Variants in SPP2 observed in about 807,000 individuals in gnomAD.
SPP2 encodes the protein secreted phosphoprotein 24.
A neutral mutation model predicts 28.8 loss-of-function variants in SPP2; 34 were observed. That is an observed-to-expected ratio of 1.18 (90% confidence interval 0.90 to 1.57). The LOEUF (loss-of-function observed/expected upper bound fraction) is 1.57, where lower values mean the gene tolerates loss of function less well. Ranked by LOEUF, SPP2 falls within the 40% of genes most tolerant of loss-of-function variation. The pLI is 0.00. For missense variants in SPP2, 269 were observed against 263.9 expected (o/e 1.02, Z -0.13); for synonymous variants, 96 against 89.4 (o/e 1.07, Z -0.42).
chr2:234,069,952 C>T lies in SPP2; in HGVS notation c.575C>T (p.Pro192Leu), dbSNP rs915089963. Residue 192 changes from proline (P) to leucine (L), a missense_variant, in exon 7 of 8, where the codon CCT becomes CTT. Physicochemically the swap from Pro to Leu is moderately conservative, Grantham distance 98. Transcript: ENST00000168148. Reference protein sequence around the residue: ...SLGIMRRVLPPGNRRYPNHRH... With the variant: ...SLGIMRRVLPLGNRRYPNHRH... ...GGGATCATGAGAAGGGTATTGCCTC[C>T]TGGAAACAGAAGGTACCCAAACCAC... is the stretch of plus-strand genomic sequence containing the variant. 8.1e-6 allele frequency: 13 copies of T among 1,613,316 alleles called. No homozygotes were observed. Among genetic ancestry groups the T allele is most frequent in the South Asian group, 1.1e-5 (1 of 91,064 alleles).
At chr2:234,060,631 C>A in intron 4 of SPP2, 152 bp downstream of exon 4, 1 of 641,456 alleles carries the variant, frequency 1.6e-6, no homozygotes, top group South Asian at 1.8e-5. Flanking sequence ...TCTTGGACAC[C>A]TACAGCCTCA....
Position 234,058,856 on chromosome 2 carries a change from C to T in SPP2, c.231C>T (p.Asn77=). ...TGAAGGTTGAGGTCCTAGATGAGAA[C>T]AACTTGGTCATGAATTTAGAGTTCA... ...SLKRVEVLDE[N]NLVMNLEFSI... The change falls in exon 3 of 8, where the codon AAC becomes AAT. Residue 77 remains asparagine, a synonymous_variant. Coordinates refer to ENST00000168148, the MANE Select transcript of SPP2 (RefSeq NM_006944.3). The T allele has an allele frequency of 6.2e-7, 1 of 1,613,904 alleles. No individual in the cohort carries two copies.
chr2:234,060,870 G>A (rs1693708266), intron 4 of SPP2, among the ~76,000 whole-genome samples: 1 of 152,106 alleles, frequency 6.6e-6, no homozygotes, highest in Admixed American at 6.6e-5. Context: ...TAAGTATGTG[G>A]CTCGCTGGCA....
chr2:234,067,777 CAAAAAAAAAAAAA>C (rs56184185), intron 6 of SPP2, among the ~76,000 whole-genome samples: 2 of 63,492 alleles, frequency 3.1e-5, no homozygotes, highest in East Asian at 1.0e-3. Flanking sequence ...GACTCCGTCT[CAAAAAAAAAAAAA>C]AAAAAAAAAA....
At chr2:234,057,011 T>A (rs1006910415) in intron 2 of SPP2, among the ~76,000 whole-genome samples, 33 of 152,078 alleles carry the variant, frequency 2.2e-4, no homozygotes, top group African/African-American at 7.7e-4. Context: ...CCCTGGGCAG[T>A]ACGTTCAATG....
At chr2:234,063,465 T>C (rs1414710719) in intron 4 of SPP2, among the ~76,000 whole-genome samples, 1 of 152,156 alleles carries the variant, frequency 6.6e-6, no homozygotes, top group East Asian at 1.9e-4. Context: ...TATAAAATAT[T>C]TGGACTTTCC....
chr2:234,054,508 T>C (rs1170532538), intron 2 of SPP2, among the ~76,000 whole-genome samples: 1 of 152,160 alleles, frequency 6.6e-6, no homozygotes, highest in Non-Finnish European at 1.5e-5. Flanking sequence ...GGTGCCAGCA[T>C]GGTCTGGTTC....
intron 2 of SPP2, among the ~76,000 whole-genome samples, chr2:234,056,602 G>T (rs1336673919): frequency 6.6e-6 from 1 of 152,156 alleles, no homozygotes; most frequent in African/African-American, 2.4e-5. Context: ...CTAAGCTTTT[G>T]TGTTGCCAGT....
chr2:234,056,655 C>G (rs1276364213), intron 2 of SPP2, among the ~76,000 whole-genome samples: 1 of 152,038 alleles, frequency 6.6e-6, no homozygotes, highest in African/African-American at 2.4e-5. Context: ...TGAAGCTCAC[C>G]CTGCAGTGGA....
intron 2 of SPP2, among the ~76,000 whole-genome samples, chr2:234,056,477 T>C (rs28903992): frequency 0.014 from 2,106 of 152,298 alleles, 63 homozygotes; most frequent in African/African-American, 0.048. Flanking sequence ...AAATGTTAGA[T>C]GTTTCTCCCT....
intron 4 of SPP2, among the ~76,000 whole-genome samples, chr2:234,064,263 C>G (rs1417066130): frequency 7.1e-6 from 1 of 141,152 alleles, no homozygotes; most frequent in East Asian, 2.1e-4. Context: ...CTCTCTCTCT[C>G]TGTCACTGTG....
chr2:234,051,202 G>A, intron 2 of SPP2, 107 bp downstream of exon 2: 3 of 1,394,266 alleles, frequency 2.2e-6, no homozygotes, highest in Admixed American at 4.1e-5. Flanking sequence ...AAAAATGATA[G>A]TAGCTAGTCA....
Position 234,050,769 on chromosome 2 carries a change from T to A in SPP2, c.-18T>A. Reference sequence around the variant, plus strand: ...CCCAAACACATAGAGAGACACTCTCTGTCTCTCGATTACAATCATGATTTC... The same window carrying A: ...CCCAAACACATAGAGAGACACTCTCAGTCTCTCGATTACAATCATGATTTC... On this transcript the variant is annotated 5_prime_UTR_variant, in exon 1 of 8. Transcript: ENST00000168148. 7.4e-6 allele frequency: 12 copies of A among 1,611,182 alleles called. No homozygotes were observed. Among genetic ancestry groups the A allele is most frequent in the Non-Finnish European group, 1.0e-5 (12 of 1,177,424 alleles).
chr2:234,051,316 T>C (rs1693493403), intron 2 of SPP2, among the ~76,000 whole-genome samples: 1 of 152,236 alleles, frequency 6.6e-6, no homozygotes, highest in Non-Finnish European at 1.5e-5. Flanking sequence ...TTCTGCTGTA[T>C]TCTCCTCTCT....
chr2:234,055,346 T>C (rs1367491763), intron 2 of SPP2, among the ~76,000 whole-genome samples: 3 of 152,234 alleles, frequency 2.0e-5, no homozygotes, highest in Non-Finnish European at 4.4e-5. Context: ...GTCTTTATTC[T>C]ATTAAGGCCT....
At chr2:234,061,650 A>T (rs1458718017) in intron 4 of SPP2, among the ~76,000 whole-genome samples, 2 of 152,340 alleles carry the variant, frequency 1.3e-5, no homozygotes, top group African/African-American at 4.8e-5. Flanking sequence ...CATATAATTA[A>T]TATACTCCTG....
At chr2:234,066,501 G>A (rs778472113) in intron 4 of SPP2, 32 bp from the exon 5 acceptor site, 8 of 1,587,542 alleles carry the variant, frequency 5.0e-6, no homozygotes, top group East Asian at 2.2e-5. Flanking sequence ...TCTTTCATGT[G>A]CTGACACATC....
chr2:234,052,153 G>A (rs1053825649), intron 2 of SPP2, among the ~76,000 whole-genome samples: 2 of 151,910 alleles, frequency 1.3e-5, no homozygotes, highest in Non-Finnish European at 2.9e-5. Context: ...CTTTTTTTTA[G>A]GTGCCATTCC....
At chr2:234,067,472 T>C (rs1247492211) in intron 6 of SPP2, among the ~76,000 whole-genome samples, 198 bp downstream of exon 6, 1 of 152,200 alleles carries the variant, frequency 6.6e-6, no homozygotes, top group African/African-American at 2.4e-5. Context: ...CTTGAGGCAC[T>C]AACTGACTTA....
Sources: allele counts gnomAD v4.1 joint callset (sites outside exome capture counted in the v4.1 genomes callset), GRCh38; gene constraint gnomAD v4.1.1; transcripts MANE v1.5; gene names NCBI Gene and HGNC (gene_info 2026-07-23, HGNC 2026-07-21).